Variants in FHIT observed in about 807,000 individuals in gnomAD.
FHIT encodes the protein fragile histidine triad diadenosine triphosphatase, also known as bis(5'-adenosyl)-triphosphatase.
In FHIT, 19 loss-of-function variants were observed where a neutral mutation model predicts 17.9. The ratio of observed to expected loss-of-function variants is 1.06; its 90% confidence interval spans 0.74 to 1.56. FHIT has a LOEUF of 1.56. FHIT is among the 40% of genes most tolerant of loss of function. The probability of loss-of-function intolerance (pLI) is 0.00; values close to 1 mark genes in which losing one functional copy is unlikely to be tolerated. For synonymous variants in FHIT, 81 were observed against 69.7 expected, an observed-to-expected ratio of 1.16 and a Z score of -0.81; for missense variants, 248 against 189.2, an observed-to-expected ratio of 1.31 and a Z score of -1.82.
chr3:60,988,946 TAAAAAAAAAAAAA>T (rs535898632), intron 3 of FHIT, among the ~76,000 whole-genome samples: 43 of 34,334 alleles, frequency 1.3e-3, no homozygotes, highest in African/African-American at 4.9e-3. Context: ...ATGGCTTTGT[TAAAAAAAAAAAAA>T]AAAAAAAAAA....
intron 2 of FHIT, among the ~76,000 whole-genome samples, chr3:61,192,962 C>T (rs758854383): frequency 3.3e-5 from 5 of 152,164 alleles, no homozygotes; most frequent in South Asian, 4.1e-4. Flanking sequence ...GTATACTGTT[C>T]CCTTTCGCAT....
intron 5 of FHIT, among the ~76,000 whole-genome samples, chr3:60,179,254 T>C (rs1701817469): frequency 6.6e-6 from 1 of 152,170 alleles, no homozygotes; most frequent in African/African-American, 2.4e-5. Context: ...AGTTCATAGA[T>C]GCCACACAGC....
chr3:60,466,908 C>A (rs528870678), intron 5 of FHIT, among the ~76,000 whole-genome samples: 1 of 149,714 alleles, frequency 6.7e-6, no homozygotes, highest in South Asian at 2.2e-4. Flanking sequence ...TGCAAGTATT[C>A]CTTCCTCATC....
chr3:60,933,666 A>G (rs1394152181), intron 3 of FHIT, among the ~76,000 whole-genome samples: 4 of 152,228 alleles, frequency 2.6e-5, no homozygotes, highest in African/African-American at 7.2e-5. Context: ...CACCTCTGCA[A>G]TTAGAAAAAC....
Position 59,891,368 on chromosome 3 carries a change from G to A in FHIT, c.348+30978C>T, listed in dbSNP as rs539301711. ...TCTGCATGAAGGGAAAAGGAAGATT[G>A]GTAAAGACACAGGCTGCTAAGCGGG... is the stretch of plus-strand genomic sequence containing the variant. On this transcript the variant is annotated intron_variant, in intron 8 of 9. Transcript: ENST00000492590. 2.0e-5 allele frequency among the ~76,000 whole-genome samples: 3 copies of A among 152,288 alleles called. No homozygotes were observed. In the South Asian group the frequency reaches 6.2e-4, roughly 32 times the overall value.
At chr3:60,006,247 T>TA (rs1228135292) in intron 7 of FHIT, among the ~76,000 whole-genome samples, 1 of 152,196 alleles carries the variant, frequency 6.6e-6, no homozygotes, top group African/African-American at 2.4e-5. Flanking sequence ...GTCATTTTTA[T>TA]AAGTTCAGAT....
At chr3:60,800,009 A>G (rs1289946899) in intron 4 of FHIT, among the ~76,000 whole-genome samples, 1 of 152,232 alleles carries the variant, frequency 6.6e-6, no homozygotes, top group East Asian at 1.9e-4. Context: ...ACAAATAAAT[A>G]TGAAATGGAT....
intron 1 of FHIT, among the ~76,000 whole-genome samples, chr3:61,210,253 A>T (rs190775671): frequency 1.2e-3 from 178 of 152,342 alleles, no homozygotes; most frequent in African/African-American, 3.9e-3. Context: ...CTCGGGGGTC[A>T]GGGACCCACT....
chr3:61,213,807 T>C lies in FHIT; in HGVS notation c.-212-13142A>G, dbSNP rs544299224. 4.6e-5 allele frequency among the ~76,000 whole-genome samples: 7 copies of C among 152,286 alleles called. No homozygotes were observed. In the East Asian group the frequency reaches 1.2e-3, roughly 25 times the overall value. ...AGAACAGAAATTATAACAAATTGTC[T>C]CTCAGACCACAGTGCAATCAAACTA... On this transcript the variant is annotated intron_variant, in intron 1 of 9. Transcript: ENST00000492590.
intron 5 of FHIT, among the ~76,000 whole-genome samples, chr3:60,276,041 G>A (rs556574920): frequency 2.8e-4 from 43 of 151,104 alleles, no homozygotes; most frequent in Non-Finnish European, 5.7e-4. Flanking sequence ...AGGCTGGAGT[G>A]CAGTGGCATG....
intron 1 of FHIT, among the ~76,000 whole-genome samples, chr3:61,200,993 C>T (rs1037681754): frequency 4.4e-4 from 22 of 49,734 alleles, no homozygotes; most frequent in Admixed American, 4.3e-3. Flanking sequence ...GTGTGACATA[C>T]TCAGTCTGAC....
rs7647658 is a variant in FHIT, at chr3:60,296,324, C to T, written c.103+240536G>A. ...AATCAACACGAAAGGAATCATTTTC[C>T]CCGCATCTTCACCAGCATTTAGTGT... On this transcript the variant is annotated intron_variant, in intron 5 of 9. Transcript: ENST00000492590. Among the ~76,000 whole-genome samples the T allele has an allele frequency of 5.2e-3, 785 of 152,114 alleles. 7 individuals carry two copies. The highest frequency in any genetic ancestry group is 7.9e-3 in the Non-Finnish European group (536 of 67,988).
intron 4 of FHIT, among the ~76,000 whole-genome samples, chr3:60,645,810 T>A (rs1379761044): frequency 1.3e-5 from 2 of 152,106 alleles, no homozygotes; most frequent in African/African-American, 4.8e-5. Flanking sequence ...GCCTCAACAC[T>A]CCCCAATTCA....
chr3:60,593,996 G>C (rs552102609), intron 4 of FHIT, among the ~76,000 whole-genome samples: 26 of 152,238 alleles, frequency 1.7e-4, no homozygotes, highest in African/African-American at 6.0e-4. Flanking sequence ...CATGGTATAT[G>C]AAAGTAATTA....
At chr3:61,228,837 T>A (rs1034851895) in intron 1 of FHIT, among the ~76,000 whole-genome samples, 3 of 152,194 alleles carry the variant, frequency 2.0e-5, no homozygotes, top group Non-Finnish European at 4.4e-5. Context: ...ACTACCTTCA[T>A]ACATTCGATG....
chr3:59,763,345 C>A (rs1701624858), intron 8 of FHIT, among the ~76,000 whole-genome samples: 1 of 152,202 alleles, frequency 6.6e-6, no homozygotes, highest in South Asian at 2.1e-4. Flanking sequence ...GGGAGGCAAG[C>A]ACACAGCACG....
At chr3:60,063,555 A>G (rs1559596771) in intron 5 of FHIT, among the ~76,000 whole-genome samples, 1 of 152,120 alleles carries the variant, frequency 6.6e-6, no homozygotes, top group African/African-American at 2.4e-5. Flanking sequence ...ATGCCATTCA[A>G]TTTTTTTAGA....
rs113540039 is a variant in FHIT at position 60,254,842 on chromosome 3, G to A, written c.104-240690C>T. Reference sequence around the variant, plus strand: ...TAAATGTCTAAAGCTTGTAGTCTGGGGATTTTCCTAATGGGAATATTTGAT... The same window carrying A: ...TAAATGTCTAAAGCTTGTAGTCTGGAGATTTTCCTAATGGGAATATTTGAT... On this transcript the variant is annotated intron_variant, in intron 5 of 9. Transcript: ENST00000492590. 7.7e-3 allele frequency among the ~76,000 whole-genome samples: 1,178 copies of A among 152,152 alleles called. 21 individuals carry two copies. The highest frequency in any genetic ancestry group is 0.027 in the African/African-American group (1,105 of 41,498).
At chr3:60,635,101 C>G (rs545663978) in intron 4 of FHIT, among the ~76,000 whole-genome samples, 2 of 130,780 alleles carry the variant, frequency 1.5e-5, no homozygotes, top group South Asian at 4.5e-4. Flanking sequence ...TTTTGGAATA[C>G]TGCAGCAGAT....
Sources: allele counts gnomAD v4.1 joint callset (sites outside exome capture counted in the v4.1 genomes callset), GRCh38; gene constraint gnomAD v4.1.1; transcripts MANE v1.5; gene names NCBI Gene and HGNC (gene_info 2026-07-23, HGNC 2026-07-21).